The following GLRA2 variants were observed in gnomAD, a reference collection of about 807,000 sequenced individuals.
The protein encoded by GLRA2 is glycine receptor alpha 2, also known as glycine receptor subunit alpha-2.
Under a neutral mutation model 31.6 loss-of-function variants are expected in GLRA2, and 11 were observed. That is an observed-to-expected ratio of 0.35 (90% CI 0.22 to 0.58). GLRA2 has a LOEUF of 0.58. GLRA2 is among the 20% of genes least tolerant of loss of function. GLRA2 has a pLI of 0.84. For synonymous variants in GLRA2, 132 were observed against 134.0 expected (o/e 0.99, Z 0.10); for missense variants, 212 against 351.8 (o/e 0.60, Z 3.18).
intron 7 of GLRA2, among the ~76,000 whole-genome samples, chrX:14,653,049 GA>G (rs1200054752): frequency 1.2e-4 from 12 of 101,736 alleles, no homozygotes; most frequent in East Asian, 3.0e-4. Context: ...CCACTGCTCA[GA>G]AAAAAAAAAA....
At chrX:14,580,369 A>G (rs890647218) in intron 3 of GLRA2, among the ~76,000 whole-genome samples, 10 of 112,337 alleles carry the variant, frequency 8.9e-5, no homozygotes, top group African/African-American at 3.2e-4. Context: ...TGAAGCCTCA[A>G]TCGGAGTCCA....
At chrX:14,566,360 A>G (rs1249467330) in intron 2 of GLRA2, among the ~76,000 whole-genome samples, 1 of 112,221 alleles carries the variant, frequency 8.9e-6, no homozygotes, top group East Asian at 2.8e-4. Context: ...GAATTCTAGC[A>G]CACATTTTAA....
At chrX:14,683,613 G>T (rs2091241932) in intron 7 of GLRA2, among the ~76,000 whole-genome samples, 1 of 111,615 alleles carries the variant, frequency 9.0e-6, no homozygotes, top group Admixed American at 9.5e-5. Context: ...TAGACATGAA[G>T]TCCTTGCCCA....
chrX:14,646,415 C>T (rs2090833297), intron 7 of GLRA2, among the ~76,000 whole-genome samples: 2 of 112,143 alleles, frequency 1.8e-5, no homozygotes, highest in African/African-American at 6.5e-5. Context: ...AATCAAACAA[C>T]AAATGAGGCA....
intron 4 of GLRA2, among the ~76,000 whole-genome samples, chrX:14,593,726 T>C (rs1425092060): frequency 1.4e-4 from 16 of 112,828 alleles, no homozygotes; most frequent in African/African-American, 5.1e-4. Context: ...TATCCCTGAG[T>C]TGGCTGTAGG....
At chrX:14,481,133 T>C in the GLRA2 span, among the ~76,000 whole-genome samples, 2 of 111,586 alleles carry the variant, frequency 1.8e-5, no homozygotes, top group Non-Finnish European at 3.8e-5. Flanking sequence ...TTTGTGGCTA[T>C]TATAAATGGG....
chrX:14,564,953 T>A (rs2147046535), intron 2 of GLRA2, among the ~76,000 whole-genome samples: 1 of 101,427 alleles, frequency 9.9e-6, no homozygotes. Context: ...ACAAAAAAAA[T>A]CAACTAAACA....
chrX:14,551,508 C>T (rs754562983), intron 2 of GLRA2, among the ~76,000 whole-genome samples: 1 of 111,071 alleles, frequency 9.0e-6, no homozygotes, highest in East Asian at 2.8e-4. Context: ...CAGTTGGTGG[C>T]TAAGGAAAAC....
intron 2 of GLRA2, among the ~76,000 whole-genome samples, chrX:14,540,119 T>C (rs989025235): frequency 8.9e-6 from 1 of 111,986 alleles, no homozygotes; most frequent in Non-Finnish European, 1.9e-5. Context: ...TTCTTACTAT[T>C]ACTATCTCAC....
At chrX:14,550,097 A>G (rs954051881) in intron 2 of GLRA2, among the ~76,000 whole-genome samples, 4 of 110,638 alleles carry the variant, frequency 3.6e-5, no homozygotes, top group Admixed American at 9.7e-5. Flanking sequence ...AGCAAGGCCA[A>G]TTTCCCTAGA....
the GLRA2 span, among the ~76,000 whole-genome samples, chrX:14,464,372 G>A: frequency 9.1e-6 from 1 of 110,399 alleles, no homozygotes; most frequent in Non-Finnish European, 1.9e-5. Context: ...GTGAGAGGTG[G>A]GGGTCTAGTT....
intron 7 of GLRA2, among the ~76,000 whole-genome samples, chrX:14,682,373 C>T (rs67580665): frequency 0.18 from 19,305 of 110,155 alleles, 1,641 homozygotes; most frequent in Non-Finnish European, 0.25. Flanking sequence ...TAGTGTAAGG[C>T]AGGTGGTGAT....
At chrX:14,488,927 T>G in the GLRA2 span, among the ~76,000 whole-genome samples, 2 of 112,048 alleles carry the variant, frequency 1.8e-5, no homozygotes, top group Admixed American at 9.5e-5. Context: ...ATTCATTTTT[T>G]TGTGTGTGAT....
chrX:14,635,596 A>C (rs1055965989), intron 7 of GLRA2, among the ~76,000 whole-genome samples: 1 of 111,935 alleles, frequency 8.9e-6, no homozygotes, highest in Non-Finnish European at 1.9e-5. Flanking sequence ...ATAAGCAAAT[A>C]AGAGAAACAT....
the GLRA2 span, among the ~76,000 whole-genome samples, chrX:14,493,436 C>T: frequency 9.3e-6 from 1 of 107,242 alleles, no homozygotes; most frequent in East Asian, 2.9e-4. Flanking sequence ...CAGACCTTTA[C>T]ACCAAAACAA....
intron 4 of GLRA2, among the ~76,000 whole-genome samples, chrX:14,597,819 TTTATGAC>T (rs1364394893): frequency 8.9e-6 from 1 of 111,764 alleles, no homozygotes; most frequent in Non-Finnish European, 1.9e-5. Context: ...GCTTAGTGGT[TTTATGAC>T]TTTGGGAACA....
chrX:14,501,932 C>A, the GLRA2 span, among the ~76,000 whole-genome samples: 1 of 111,399 alleles, frequency 9.0e-6, no homozygotes, highest in African/African-American at 3.3e-5. Context: ...CGTCTTCCTC[C>A]TATGTCTTTA....
the GLRA2 span, among the ~76,000 whole-genome samples, chrX:14,522,798 T>A: frequency 8.9e-6 from 1 of 111,801 alleles, no homozygotes; most frequent in African/African-American, 3.3e-5. Context: ...GAGCAGTAGG[T>A]CTCAAGAGTG....
intron 7 of GLRA2, among the ~76,000 whole-genome samples, chrX:14,681,356 T>TCTTC (rs915016773): frequency 5.4e-5 from 6 of 111,555 alleles, no homozygotes; most frequent in African/African-American, 3.3e-5. Flanking sequence ...TTCCTTGCTT[T>TCTTC]CTTCCTTCCT....
Sources: allele counts gnomAD v4.1 joint callset (sites outside exome capture counted in the v4.1 genomes callset), GRCh38; gene constraint gnomAD v4.1.1; transcripts MANE v1.5; gene names NCBI Gene and HGNC (gene_info 2026-07-23, HGNC 2026-07-21).